The following ALK variants were observed in gnomAD, a reference collection of about 807,000 sequenced individuals.
The protein encoded by ALK is ALK tyrosine kinase receptor.
A neutral mutation model predicts 163.1 loss-of-function variants in ALK; 74 were observed. The observed-to-expected ratio is 0.45, with a 90% CI of 0.38 to 0.55. The LOEUF (loss-of-function observed/expected upper bound fraction) is 0.55, where lower values mean the gene tolerates loss of function less well. Ranked by LOEUF, ALK falls within the 20% of genes least tolerant of loss-of-function variation. The probability of loss-of-function intolerance (pLI) is 0.00; values close to 1 mark genes in which losing one functional copy is unlikely to be tolerated. For synonymous variants in ALK, 960 were observed against 843.2 expected (o/e 1.14, Z -2.40); for missense variants, 2,063 against 2,105.3 (o/e 0.98, Z 0.39).
intron 4 of ALK, among the ~76,000 whole-genome samples, chr2:29,408,036 T>C (rs1167571292): frequency 2.0e-5 from 3 of 151,294 alleles, no homozygotes; most frequent in Non-Finnish European, 4.4e-5. Flanking sequence ...AGGCTACAGG[T>C]GGGCCTGGGA....
At chr2:29,700,187 A>G (rs565668288) in intron 2 of ALK, among the ~76,000 whole-genome samples, 6 of 152,246 alleles carry the variant, frequency 3.9e-5, no homozygotes, top group East Asian at 1.9e-4. Flanking sequence ...CAGATTTCCT[A>G]TGGAAGAAGG....
intron 24 of ALK, 107 bp downstream of exon 24, chr2:29,213,877 G>T: frequency 2.1e-6 from 2 of 937,140 alleles, no homozygotes; most frequent in South Asian, 1.3e-5. Flanking sequence ...TCTGGAGGGA[G>T]ACCTAGTATT....
At chr2:29,647,101 G>A (rs1362140142) in intron 3 of ALK, among the ~76,000 whole-genome samples, 1 of 152,130 alleles carries the variant, frequency 6.6e-6, no homozygotes. Flanking sequence ...TCTTCTTCCA[G>A]TTTCACATTC....
intron 26 of ALK, among the ~76,000 whole-genome samples, chr2:29,206,613 A>G (rs1419465591): frequency 6.6e-6 from 1 of 152,026 alleles, no homozygotes; most frequent in Non-Finnish European, 1.5e-5. Context: ...TGGGGCTCTC[A>G]GGCAGAGGGA....
chr2:29,259,277 A>C (rs1427510426), intron 11 of ALK, among the ~76,000 whole-genome samples: 1 of 152,062 alleles, frequency 6.6e-6, no homozygotes, highest in East Asian at 1.9e-4. Flanking sequence ...TTTTTTGTAT[A>C]TGTTCTTTCC....
At chr2:29,401,967 A>G (rs938288143) in intron 4 of ALK, among the ~76,000 whole-genome samples, 2 of 152,186 alleles carry the variant, frequency 1.3e-5, no homozygotes, top group Admixed American at 6.5e-5. Flanking sequence ...ATAATGAATG[A>G]TAATCAGGGT....
chr2:29,341,136 A>G (rs1297732974), intron 5 of ALK, among the ~76,000 whole-genome samples: 9 of 152,246 alleles, frequency 5.9e-5, no homozygotes, highest in Non-Finnish European at 1.2e-4. Context: ...TTTGTTCATA[A>G]TATAAAATTA....
chr2:29,242,190 G>A (rs1015481538), intron 12 of ALK, among the ~76,000 whole-genome samples: 4 of 152,184 alleles, frequency 2.6e-5, no homozygotes, highest in African/African-American at 9.7e-5. Context: ...GTGTGGATGG[G>A]CCCCAACTCT....
At chr2:29,392,937 G>A (rs1264880884) in intron 4 of ALK, among the ~76,000 whole-genome samples, 2 of 152,046 alleles carry the variant, frequency 1.3e-5, no homozygotes, top group Non-Finnish European at 2.9e-5. Context: ...CAATGTTCAA[G>A]GTTACTGAGT....
At chr2:29,791,975 A>T (rs1664201683) in intron 1 of ALK, among the ~76,000 whole-genome samples, 1 of 152,208 alleles carries the variant, frequency 6.6e-6, no homozygotes, top group African/African-American at 2.4e-5. Flanking sequence ...AGCAATTCTG[A>T]TCATAACATG....
At chr2:29,482,628 A>C (rs1439656352) in intron 4 of ALK, among the ~76,000 whole-genome samples, 3 of 152,142 alleles carry the variant, frequency 2.0e-5, no homozygotes, top group African/African-American at 7.2e-5. Flanking sequence ...CATGTATCCT[A>C]TGGGTCCTCA....
At chr2:29,752,497 G>C (rs1331982518) in intron 1 of ALK, among the ~76,000 whole-genome samples, 1 of 151,212 alleles carries the variant, frequency 6.6e-6, no homozygotes, top group Non-Finnish European at 1.5e-5. Flanking sequence ...CTACAGGCAC[G>C]CGCCACCATG....
At chr2:29,485,971 T>C (rs562818570) in intron 4 of ALK, among the ~76,000 whole-genome samples, 1 of 152,276 alleles carries the variant, frequency 6.6e-6, no homozygotes, top group South Asian at 2.1e-4. Flanking sequence ...TCCTTAGAAG[T>C]ATTTATCACA....
intron 2 of ALK, among the ~76,000 whole-genome samples, chr2:29,700,943 A>G (rs1325512764): frequency 6.6e-6 from 1 of 152,178 alleles, no homozygotes; most frequent in African/African-American, 2.4e-5. Flanking sequence ...GAGACTCCCA[A>G]AGCAGTCAGG....
chr2:29,364,514 C>G (rs1307432237), intron 5 of ALK, among the ~76,000 whole-genome samples: 1 of 152,214 alleles, frequency 6.6e-6, no homozygotes, highest in Admixed American at 6.5e-5. Flanking sequence ...GACACACCAT[C>G]CTTGAGCATG....
At chr2:29,568,389 G>C (rs534206273) in intron 3 of ALK, among the ~76,000 whole-genome samples, 1 of 152,284 alleles carries the variant, frequency 6.6e-6, no homozygotes, top group East Asian at 1.9e-4. Flanking sequence ...ACATTCTGTA[G>C]TGGCTACAAC....
chr2:29,752,453 C>T (rs2148331775), intron 1 of ALK, among the ~76,000 whole-genome samples: 1 of 150,672 alleles, frequency 6.6e-6, no homozygotes, highest in Non-Finnish European at 1.5e-5. Context: ...GGGTTCACGC[C>T]ATTCTCCTGC....
chr2:29,527,205 G>T (rs142960383), intron 4 of ALK, among the ~76,000 whole-genome samples: 3 of 152,176 alleles, frequency 2.0e-5, no homozygotes, highest in African/African-American at 7.2e-5. Context: ...CATACCTCCT[G>T]ATGGCCACAA....
intron 11 of ALK, among the ~76,000 whole-genome samples, chr2:29,253,856 ATAGATAGATAG>A (rs1664883056): frequency 7.5e-6 from 1 of 133,962 alleles, no homozygotes; most frequent in African/African-American, 3.3e-5. Context: ...AGATAGATAG[ATAGATAGATAG>A]ATAGATAGAT....
Sources: allele counts gnomAD v4.1 joint callset (sites outside exome capture counted in the v4.1 genomes callset), GRCh38; gene constraint gnomAD v4.1.1; transcripts MANE v1.5; gene names NCBI Gene and HGNC (gene_info 2026-07-23, HGNC 2026-07-21).